Variants in FBXO34 observed in about 807,000 individuals in gnomAD.
The protein encoded by FBXO34 is F-box only protein 34.
Under a neutral mutation model 24.5 loss-of-function variants are expected in FBXO34, and 12 were observed. That is an observed-to-expected ratio of 0.49 (90% CI 0.31 to 0.79). The LOEUF is 0.79. Among genes scored for constraint, FBXO34 ranks in the 30% least tolerant of loss-of-function variants. The probability of loss-of-function intolerance (pLI) is 0.04; values close to 1 mark genes in which losing one functional copy is unlikely to be tolerated. For synonymous variants in FBXO34, 320 were observed against 311.9 expected (o/e 1.03, Z -0.27); for missense variants, 823 against 857.7 (o/e 0.96, Z 0.51).
At chr14:55,380,550 C>G in the FBXO34 span, 1 of 1,442,370 alleles carries the variant, frequency 6.9e-7, no homozygotes, top group South Asian at 1.2e-5. Flanking sequence ...ATAAAGATGA[C>G]ATTACCACCT....
chr14:55,417,794 G>A, the FBXO34 span, among the ~76,000 whole-genome samples: 927 of 152,206 alleles, frequency 6.1e-3, 14 homozygotes, highest in African/African-American at 0.021. Flanking sequence ...TAATTTCTGG[G>A]GAATAAATAC....
chr14:55,273,442 G>A (rs867359816), intron 1 of FBXO34, among the ~76,000 whole-genome samples: 1 of 151,784 alleles, frequency 6.6e-6, no homozygotes, highest in South Asian at 2.1e-4. Flanking sequence ...ACTGAAAGTT[G>A]TTCTGGTTTT....
At chr14:55,343,660 G>A (rs761497062) in intron 1 of FBXO34, among the ~76,000 whole-genome samples, 90 of 152,250 alleles carry the variant, frequency 5.9e-4, no homozygotes, top group Admixed American at 3.7e-3. Flanking sequence ...ATGAACTGTC[G>A]TATCTTCTAA....
At chr14:55,341,307 T>C (rs1365303354) in intron 1 of FBXO34, among the ~76,000 whole-genome samples, 1 of 152,194 alleles carries the variant, frequency 6.6e-6, no homozygotes, top group Non-Finnish European at 1.5e-5. Flanking sequence ...TGATCAGATA[T>C]TGAAGATGGG....
intron 1 of FBXO34, among the ~76,000 whole-genome samples, chr14:55,335,989 G>A (rs1408076601): frequency 6.6e-6 from 1 of 152,150 alleles, no homozygotes; most frequent in Non-Finnish European, 1.5e-5. Flanking sequence ...TTTCCAATGA[G>A]ATACCTTTGA....
At chr14:55,326,605 A>G (rs1164549238) in intron 1 of FBXO34, among the ~76,000 whole-genome samples, 1 of 152,226 alleles carries the variant, frequency 6.6e-6, no homozygotes, top group East Asian at 1.9e-4. Context: ...AGCGTAAGAA[A>G]TAAATTTCCC....
intron 1 of FBXO34, among the ~76,000 whole-genome samples, chr14:55,312,016 A>G (rs1428169092): frequency 6.6e-6 from 1 of 152,130 alleles, no homozygotes; most frequent in East Asian, 1.9e-4. Context: ...CCTGACCAAC[A>G]TGGTGAAACT....
At chr14:55,286,894 A>G (rs183763196) in intron 1 of FBXO34, among the ~76,000 whole-genome samples, 3 of 137,888 alleles carry the variant, frequency 2.2e-5, no homozygotes, top group Admixed American at 2.2e-4. Flanking sequence ...GAATTCATTT[A>G]TGTTTCATTT....
At chr14:55,379,742 G>A in the FBXO34 span, among the ~76,000 whole-genome samples, 1 of 152,154 alleles carries the variant, frequency 6.6e-6, no homozygotes, top group South Asian at 2.1e-4. Context: ...TTATTTTTGA[G>A]ACGAAGTCTC....
At chr14:55,414,614 C>G in the FBXO34 span, among the ~76,000 whole-genome samples, 1 of 152,144 alleles carries the variant, frequency 6.6e-6, no homozygotes, top group Non-Finnish European at 1.5e-5. Flanking sequence ...AATTTGGCAA[C>G]TACAGCCATA....
the FBXO34 span, among the ~76,000 whole-genome samples, chr14:55,432,442 A>AACAAAAAAAAC: frequency 0.072 from 10,728 of 149,086 alleles, 1,122 homozygotes; most frequent in African/African-American, 0.24. Context: ...ATAAACAAAC[A>AACAAAAAAAAC]ACAAAAAAAA....
chr14:55,362,291 T>C (rs1475537847), downstream of FBXO34, among the ~76,000 whole-genome samples: 1 of 152,222 alleles, frequency 6.6e-6, no homozygotes, highest in African/African-American at 2.4e-5. Context: ...TACAGACAGT[T>C]CGTGGGCCTC....
At chr14:55,410,277 A>C in the FBXO34 span, among the ~76,000 whole-genome samples, 1 of 152,246 alleles carries the variant, frequency 6.6e-6, no homozygotes, top group South Asian at 2.1e-4. Context: ...GGTTGGAGAT[A>C]CAAGTCTGGC....
chr14:55,323,948 T>A (rs1883256056), intron 1 of FBXO34, among the ~76,000 whole-genome samples: 1 of 152,174 alleles, frequency 6.6e-6, no homozygotes, highest in Non-Finnish European at 1.5e-5. Flanking sequence ...AATTCACCCT[T>A]TGAAAGTGTA....
At chr14:55,417,786 A>C in the FBXO34 span, among the ~76,000 whole-genome samples, 1 of 152,170 alleles carries the variant, frequency 6.6e-6, no homozygotes, top group Admixed American at 6.5e-5. Flanking sequence ...TCAGGCTGTA[A>C]TTTCTGGGGA....
At chr14:55,430,978 C>T in the FBXO34 span, among the ~76,000 whole-genome samples, 1 of 152,198 alleles carries the variant, frequency 6.6e-6, no homozygotes, top group African/African-American at 2.4e-5. Context: ...TCTATTGAAA[C>T]AACTAATAGT....
chr14:55,383,336 A>G, the FBXO34 span, among the ~76,000 whole-genome samples: 1 of 152,198 alleles, frequency 6.6e-6, no homozygotes, highest in Non-Finnish European at 1.5e-5. Context: ...AGATCACTTG[A>G]GGTCAGGAAT....
chr14:55,369,945 G>C (rs1378730194), downstream of FBXO34: 1 of 1,570,894 alleles, frequency 6.4e-7, no homozygotes, highest in East Asian at 2.3e-5. Flanking sequence ...GACAATGAGG[G>C]TCTCTTTAGG....
At chr14:55,426,267 C>CA in the FBXO34 span, among the ~76,000 whole-genome samples, 12,232 of 128,270 alleles carry the variant, frequency 0.095, 560 homozygotes, top group Admixed American at 0.13. Flanking sequence ...AACTCCATCT[C>CA]AAAAAAAAAA....
Sources: gnomAD v4.1 joint callset for allele counts (sites outside exome capture counted in the v4.1 genomes callset) on GRCh38, gnomAD v4.1.1 for gene constraint, MANE v1.5 for transcripts, NCBI Gene and HGNC (gene_info 2026-07-23, HGNC 2026-07-21) for gene names.